The following SPECC1 variants were observed in gnomAD, a reference collection of about 807,000 sequenced individuals.
SPECC1 encodes sperm antigen with calponin homology and coiled-coil domains 1.
Under a neutral mutation model 104.1 loss-of-function variants are expected in SPECC1, and 62 were observed. The observed-to-expected ratio is 0.60, with a 90% CI of 0.49 to 0.74. The LOEUF (loss-of-function observed/expected upper bound fraction) is 0.74. SPECC1 is among the 30% of genes least tolerant of loss of function. The pLI is 0.00. For synonymous variants in SPECC1, 513 were observed against 501.6 expected, an observed-to-expected ratio of 1.02 and a Z score of -0.30; for missense variants, 1,306 against 1,310.5, an observed-to-expected ratio of 1.00 and a Z score of 0.05.
At chr17:20,306,177 C>T in intron 14 of SPECC1, 95 bp downstream of exon 14, 1 of 1,208,278 alleles carries the variant, frequency 8.3e-7, no homozygotes, top group South Asian at 1.3e-5. Flanking sequence ...ACATTGACAT[C>T]TGTTTGCCGA....
intron 1 of SPECC1, among the ~76,000 whole-genome samples, chr17:20,015,348 T>C (rs1317429539): frequency 6.7e-6 from 1 of 149,554 alleles, no homozygotes; most frequent in African/African-American, 2.5e-5. Context: ...AGGCCTGGAG[T>C]GCAATGGTGT....
chr17:20,243,497 A>G (rs1464689630), intron 7 of SPECC1, among the ~76,000 whole-genome samples: 1 of 152,184 alleles, frequency 6.6e-6, no homozygotes, highest in Non-Finnish European at 1.5e-5. Flanking sequence ...AGCATTCTTA[A>G]TAACCATTTT....
At chr17:20,305,260 A>G (rs938602767) in intron 13 of SPECC1, among the ~76,000 whole-genome samples, 19 of 152,162 alleles carry the variant, frequency 1.2e-4, no homozygotes, top group Non-Finnish European at 8.8e-5. Flanking sequence ...AGCTGTGACA[A>G]TGTACAACTT....
intron 7 of SPECC1, among the ~76,000 whole-genome samples, chr17:20,233,655 C>T (rs1464471966): frequency 3.9e-5 from 6 of 152,144 alleles, no homozygotes; most frequent in Non-Finnish European, 7.3e-5. Flanking sequence ...ACTACACATG[C>T]GCCAGACAAG....
chr17:20,082,056 G>A (rs897095112), intron 1 of SPECC1, among the ~76,000 whole-genome samples: 1 of 152,138 alleles, frequency 6.6e-6, no homozygotes, highest in East Asian at 1.9e-4. Context: ...TGCCGTTCTG[G>A]GCCTCCGCCA....
chr17:20,318,629 C>A lies in SPECC1; in HGVS notation c.*4564C>A, dbSNP rs1477859742. On this transcript the variant is annotated 3_prime_UTR_variant, in exon 15 of 15. Coordinates refer to ENST00000395527, the MANE Select transcript of SPECC1 (RefSeq NM_001243439.2). ...GATGCAGACCCCCTACCAAATCTAG[C>A]AATAGTTCTCACCCTTCCAAAGCTC... is the stretch of plus-strand genomic sequence containing the variant. 1 of 227,710 alleles carries A rather than the reference C, an allele frequency of 4.4e-6. No homozygotes were observed. Among genetic ancestry groups the A allele is most frequent in the Non-Finnish European group, 8.7e-6 (1 of 114,674 alleles). The allele number at this position is 227,710 out of a possible 1,614,324, so 14.1% of individuals were successfully genotyped here. A position where few individuals can be genotyped will look rare whatever the true frequency, so the allele number is the denominator to read the frequency against.
At position 20,110,397 on chromosome 17, in the gene SPECC1, A is replaced by G. The variant is rs747402389; in HGVS notation, c.148-30A>G. 27 of 1,585,758 alleles carry G rather than the reference A, an allele frequency of 1.7e-5. No homozygotes were observed. The Middle Eastern group carries it at 5.1e-4, about 30-fold the overall frequency. On this transcript the variant is annotated intron_variant, in intron 2 of 14. Coordinates refer to ENST00000395527, the MANE Select transcript of SPECC1 (RefSeq NM_001243439.2). ...GCTCCTTCCTGAAAACCACCTCTTC[A>G]TCCTCTCTCTTTCCTTCCAACTCTC... is the stretch of plus-strand genomic sequence containing the variant.
At chr17:20,253,039 C>A (rs1435448481) in intron 9 of SPECC1, among the ~76,000 whole-genome samples, 1 of 147,934 alleles carries the variant, frequency 6.8e-6, no homozygotes, top group East Asian at 2.0e-4. Context: ...TGTTCTTTTT[C>A]AGTTTTTTTT....
At chr17:20,085,024 T>C (rs1412381103) in intron 1 of SPECC1, among the ~76,000 whole-genome samples, 2 of 152,124 alleles carry the variant, frequency 1.3e-5, no homozygotes, top group African/African-American at 2.4e-5. Flanking sequence ...TACCAGACAG[T>C]AGAGGGTAAG....
intron 1 of SPECC1, among the ~76,000 whole-genome samples, chr17:20,051,072 CTT>C (rs57763736): frequency 0.011 from 593 of 56,476 alleles, 8 homozygotes; most frequent in South Asian, 0.033. Flanking sequence ...CTTTCTTTTT[CTT>C]TCTTTCTTTC....
rs117100832 is a variant in SPECC1, at chr17:20,316,075, C to T, written c.*2010C>T. 2 of 232,456 alleles carry T rather than the reference C, an allele frequency of 8.6e-6. No individual in the cohort carries two copies. Among genetic ancestry groups the T allele is most frequent in the East Asian group, 6.1e-5 (1 of 16,496 alleles). 14.4% of individuals were successfully genotyped at this position (232,456 alleles called of 1,614,324 possible). The stretch of plus-strand genomic sequence containing the variant: ...CTGTTGGGCGATGGTCATTACATCA[C>T]CCATGCCTTTGTATTTAAATGAAAC... On this transcript the variant is annotated 3_prime_UTR_variant, in exon 15 of 15. Transcript: ENST00000395527.
intron 3 of SPECC1, among the ~76,000 whole-genome samples, chr17:20,161,913 G>A (rs759999430): frequency 6.6e-6 from 1 of 151,474 alleles, no homozygotes; most frequent in Non-Finnish European, 1.5e-5. Flanking sequence ...TCCTGCCTCA[G>A]CCTCTTGAGT....
At chr17:20,281,445 G>A (rs2040768399) in intron 12 of SPECC1, among the ~76,000 whole-genome samples, 1 of 152,172 alleles carries the variant, frequency 6.6e-6, no homozygotes, top group Admixed American at 6.5e-5. Context: ...CAGCATGGGT[G>A]AACCATGGTA....
In SPECC1 at chr17:20,204,688, T is replaced by C. The variant is rs780210761; in HGVS notation, c.639T>C (p.Asp213=). Reference sequence around the variant, plus strand: ...CTGATGCTTTGGGCCCAAATGTCGATGGAACATCAGTCTCCCCAGGTGACA... The same window carrying C: ...CTGATGCTTTGGGCCCAAATGTCGACGGAACATCAGTCTCCCCAGGTGACA... The part of the protein sequence containing the change: ...EGTDALGPNV[D]GTSVSPGDTE... The change falls in exon 4 of 15, where the codon GAT becomes GAC. Residue 213 remains aspartate, a synonymous_variant. Coordinates refer to ENST00000395527, the MANE Select transcript of SPECC1 (RefSeq NM_001243439.2). 7.4e-6 allele frequency: 12 copies of C among 1,613,786 alleles called. No homozygotes were observed. The highest frequency in any genetic ancestry group is 9.3e-6 in the Non-Finnish European group (11 of 1,179,944).
At chr17:20,103,138 T>C (rs1197160017) in intron 2 of SPECC1, among the ~76,000 whole-genome samples, 2 of 152,208 alleles carry the variant, frequency 1.3e-5, no homozygotes, top group Admixed American at 1.3e-4. Flanking sequence ...ATAGCTTTTT[T>C]CCCAACCCCT....
At chr17:20,178,227 A>G (rs1372929302) in intron 3 of SPECC1, among the ~76,000 whole-genome samples, 1 of 152,136 alleles carries the variant, frequency 6.6e-6, no homozygotes, top group Non-Finnish European at 1.5e-5. Context: ...ATCTGTGTTT[A>G]AGTTTTTGAA....
At chr17:20,075,005 T>C (rs1281051202) in intron 1 of SPECC1, among the ~76,000 whole-genome samples, 2 of 152,064 alleles carry the variant, frequency 1.3e-5, no homozygotes, top group African/African-American at 4.8e-5. Flanking sequence ...CAGGTTCAAG[T>C]GATTCTCCTG....
At chr17:20,028,272 T>G (rs1442174066) in intron 1 of SPECC1, among the ~76,000 whole-genome samples, 3 of 152,066 alleles carry the variant, frequency 2.0e-5, no homozygotes, top group Admixed American at 2.0e-4. Flanking sequence ...AACTTCATTT[T>G]TTTTTTCATG....
At chr17:20,308,753 A>C (rs189404018) in intron 14 of SPECC1, among the ~76,000 whole-genome samples, 87 of 152,336 alleles carry the variant, frequency 5.7e-4, no homozygotes, top group Non-Finnish European at 1.0e-3. Context: ...AAATTTAAAA[A>C]GGTGTGAGGA....
Sources: allele counts gnomAD v4.1 joint callset (sites outside exome capture counted in the v4.1 genomes callset), GRCh38; gene constraint gnomAD v4.1.1; transcripts MANE v1.5; gene names NCBI Gene and HGNC (gene_info 2026-07-23, HGNC 2026-07-21).